The following ANO4 variants were observed in gnomAD, a reference collection of about 807,000 sequenced individuals.
ANO4 encodes the protein anoctamin-4.
In ANO4, 69 loss-of-function variants were observed where a neutral mutation model predicts 141.9. The observed-to-expected ratio is 0.49, with a 90% CI of 0.40 to 0.59. The LOEUF (loss-of-function observed/expected upper bound fraction) is 0.59. Ranked by LOEUF, ANO4 falls within the 20% of genes least tolerant of loss-of-function variation. ANO4 has a pLI of 0.00. For missense variants in ANO4, 894 were observed against 1,162.2 expected (o/e 0.77, Z 3.36); for synonymous variants, 350 against 394.3 (o/e 0.89, Z 1.33).
intron 25 of ANO4, among the ~76,000 whole-genome samples, chr12:101,120,064 G>T (rs1199798147): frequency 1.3e-5 from 2 of 152,228 alleles, no homozygotes; most frequent in Non-Finnish European, 2.9e-5. Context: ...CTTCAGTAAT[G>T]GCCGGATCCC....
At chr12:101,048,784 C>T (rs894585261) in intron 14 of ANO4, among the ~76,000 whole-genome samples, 4 of 152,154 alleles carry the variant, frequency 2.6e-5, no homozygotes, top group African/African-American at 9.7e-5. Context: ...TAGCTTTCTT[C>T]TAGCTCTGTA....
intron 2 of ANO4, among the ~76,000 whole-genome samples, chr12:100,905,315 G>A (rs73389648): frequency 0.081 from 12,375 of 152,156 alleles, 774 homozygotes; most frequent in African/African-American, 0.17. Flanking sequence ...AGAGCATCAA[G>A]GGCTGAGATC....
chr12:100,996,079 T>G (rs941186443), intron 8 of ANO4, among the ~76,000 whole-genome samples: 1 of 152,250 alleles, frequency 6.6e-6, no homozygotes, highest in Admixed American at 6.5e-5. Context: ...TTCTGCTAAC[T>G]GATAATCTAT....
intron 1 of ANO4, among the ~76,000 whole-genome samples, chr12:100,795,822 G>A (rs2034276849): frequency 6.6e-6 from 1 of 152,152 alleles, no homozygotes; most frequent in East Asian, 1.9e-4. Flanking sequence ...ACATAAGCAG[G>A]TTTCTGACGA....
chr12:100,759,071 G>T (rs751480810), intron 3 of ANO4, among the ~76,000 whole-genome samples: 20 of 152,064 alleles, frequency 1.3e-4, no homozygotes, highest in Non-Finnish European at 1.5e-5. Context: ...ATTTTGGGAG[G>T]CACTATTTAA....
chr12:100,946,094 G>A (rs546980249), intron 5 of ANO4, among the ~76,000 whole-genome samples: 1 of 152,278 alleles, frequency 6.6e-6, no homozygotes, highest in South Asian at 2.1e-4. Context: ...AGTGCAAAGA[G>A]AACAGCTCCA....
intron 3 of ANO4, among the ~76,000 whole-genome samples, chr12:100,764,203 A>C (rs1274722005): frequency 6.6e-6 from 1 of 152,230 alleles, no homozygotes; most frequent in Non-Finnish European, 1.5e-5. Context: ...TGGTTCTCAA[A>C]GGCAGCTAAT....
intron 22 of ANO4, among the ~76,000 whole-genome samples, chr12:101,107,313 A>C (rs1000748214): frequency 2.6e-5 from 4 of 152,174 alleles, no homozygotes; most frequent in African/African-American, 9.7e-5. Context: ...TGTAGTGAGT[A>C]TGTAGGAAAA....
intron 1 of ANO4, among the ~76,000 whole-genome samples, chr12:100,862,784 G>A (rs898038863): frequency 3.3e-5 from 5 of 152,168 alleles, no homozygotes; most frequent in African/African-American, 9.7e-5. Context: ...CTAGGTAATA[G>A]GAATTTTCCA....
At chr12:101,054,744 C>A (rs578128523) in intron 14 of ANO4, among the ~76,000 whole-genome samples, 12 of 152,268 alleles carry the variant, frequency 7.9e-5, no homozygotes, top group Non-Finnish European at 1.3e-4. Flanking sequence ...TTGTGATCCG[C>A]CCGCCTTGGC....
chr12:100,970,576 A>G (rs2043871027), intron 5 of ANO4, among the ~76,000 whole-genome samples: 1 of 151,666 alleles, frequency 6.6e-6, no homozygotes, highest in African/African-American at 2.4e-5. Flanking sequence ...GCCCCCTCCC[A>G]TAACTGTTTC....
intron 8 of ANO4, among the ~76,000 whole-genome samples, chr12:100,990,451 A>G (rs190487844): frequency 6.0e-4 from 92 of 152,320 alleles, no homozygotes; most frequent in Non-Finnish European, 2.1e-4. Flanking sequence ...AATATATAAT[A>G]AATGAGGGAT....
intron 1 of ANO4, among the ~76,000 whole-genome samples, chr12:100,804,108 C>T (rs1427087280): frequency 6.6e-6 from 1 of 152,122 alleles, no homozygotes; most frequent in Non-Finnish European, 1.5e-5. Context: ...ACTTTCCCTG[C>T]CCACACTGAC....
At chr12:100,971,579 G>A (rs552009727) in intron 6 of ANO4, among the ~76,000 whole-genome samples, 173 bp downstream of exon 6, 2 of 152,262 alleles carry the variant, frequency 1.3e-5, no homozygotes, top group South Asian at 2.1e-4. Flanking sequence ...ATGATTTCAT[G>A]GCTTTTTGTG....
chr12:100,902,611 G>C (rs558994271), intron 2 of ANO4, among the ~76,000 whole-genome samples: 1 of 152,164 alleles, frequency 6.6e-6, no homozygotes, highest in African/African-American at 2.4e-5. Context: ...ATGTCCTAGT[G>C]GATGACCACA....
At chr12:100,822,046 C>G (rs1318083900) in intron 1 of ANO4, among the ~76,000 whole-genome samples, 4 of 151,896 alleles carry the variant, frequency 2.6e-5, no homozygotes, top group South Asian at 4.1e-4. Context: ...GTCCACAGCT[C>G]CCATCCTGAC....
intron 3 of ANO4, among the ~76,000 whole-genome samples, chr12:100,933,123 T>C (rs1436451706): frequency 1.3e-5 from 2 of 151,608 alleles, no homozygotes; most frequent in Admixed American, 6.6e-5. Flanking sequence ...TTTTTTTGCA[T>C]TTTTTTAAAA....
rs761219966 is a variant in ANO4 at position 100,922,209 on chromosome 12, A to G, written c.56-17A>G. The G allele has an allele frequency of 5.1e-5, 78 of 1,516,332 alleles. No individual in the cohort carries two copies. The Admixed American group carries it at 5.5e-4, about 11-fold the overall frequency. The allele number at this position is 1,516,332 out of a possible 1,614,324, so 93.9% of individuals were successfully genotyped here. A position where few individuals can be genotyped will look rare whatever the true frequency, so the allele number is the denominator to read the frequency against. On this transcript the variant is annotated splice_polypyrimidine_tract_variant and intron_variant, in intron 2 of 27. Transcript: ENST00000392977. ...GATAACCAGTGCAAACTCCATGAAT[A>G]TCTTTCATTTCTCTAGAAGGAGGTG...
At chr12:100,793,656 A>G (rs2034139930), upstream of ANO4, among the ~76,000 whole-genome samples, 1 of 152,102 alleles carries the variant, frequency 6.6e-6, no homozygotes, top group Non-Finnish European at 1.5e-5. Flanking sequence ...TCTTTTCTGC[A>G]GTGATAAAAA....
Sources: gnomAD v4.1 joint callset for allele counts (sites outside exome capture counted in the v4.1 genomes callset) on GRCh38, gnomAD v4.1.1 for gene constraint, MANE v1.5 for transcripts, NCBI Gene and HGNC (gene_info 2026-07-23, HGNC 2026-07-21) for gene names.